The following ABLIM2 variants were observed in gnomAD, a reference collection of about 807,000 sequenced individuals.
ABLIM2 encodes the protein actin binding LIM protein family member 2, also known as actin-binding LIM protein 2.
In ABLIM2, 53 loss-of-function variants were observed where a neutral mutation model predicts 97.7. The ratio of observed to expected loss-of-function variants is 0.54; its 90% CI spans 0.44 to 0.68. The LOEUF is 0.68. Ranked by LOEUF, ABLIM2 falls within the 30% of genes least tolerant of loss-of-function variation. ABLIM2 has a pLI of 0.00. For synonymous variants in ABLIM2, 361 were observed against 345.8 expected, an observed-to-expected ratio of 1.04 and a Z score of -0.49; for missense variants, 835 against 867.2, an observed-to-expected ratio of 0.96 and a Z score of 0.47.
At chr4:8,045,919 G>A (rs913491049) in intron 8 of ABLIM2, among the ~76,000 whole-genome samples, 1 of 152,098 alleles carries the variant, frequency 6.6e-6, no homozygotes, top group Non-Finnish European at 1.5e-5. Context: ...TGGTCACCCT[G>A]AAGACCCTCT....
Position 8,124,805 on chromosome 4 carries a change from C to G in ABLIM2, c.11-18168G>C, listed in dbSNP as rs535320024. The stretch of plus-strand genomic sequence containing the variant: ...GGAGTTGCTGGGTCCTGTGGTCACT[C>G]TGTGTGCCACCTTTCAAGGAACAGT... On this transcript the variant is annotated intron_variant, in intron 1 of 20. Transcript: ENST00000447017. The surrounding 1 kb of genome is among the most constrained non-coding windows in gnomAD (Gnocchi z 6.1). 7.2e-5 allele frequency among the ~76,000 whole-genome samples: 11 copies of G among 152,272 alleles called. No homozygotes were observed. The highest frequency in any genetic ancestry group is 6.5e-4 in the Admixed American group (10 of 15,288).
intron 2 of ABLIM2, among the ~76,000 whole-genome samples, chr4:8,099,882 G>C (rs933753335): frequency 4.6e-5 from 7 of 152,050 alleles, no homozygotes; most frequent in South Asian, 2.1e-4. Context: ...AAAACCCCAG[G>C]CCTCTGTGTG....
At position 7,967,588 on chromosome 4, in the gene ABLIM2, G is replaced by A. The variant is rs116349715; in HGVS notation, c.1825-485C>T. On this transcript the variant is annotated intron_variant, in intron 20 of 20. Coordinates refer to ENST00000447017, the MANE Select transcript of ABLIM2 (RefSeq NM_001130083.2). ...ACAGTGAGCAAGAATGCCAGGCACGGCCCAGGCCCAGGCGCAAATCCTCCC... is the reference window on the plus strand; with the variant it reads ...ACAGTGAGCAAGAATGCCAGGCACGACCCAGGCCCAGGCGCAAATCCTCCC... Among the ~76,000 whole-genome samples the A allele has an allele frequency of 5.3e-3, 802 of 152,318 alleles. 4 individuals are homozygous for A. Among genetic ancestry groups the A allele is most frequent in the Non-Finnish European group, 9.1e-3 (620 of 68,022 alleles).
At chr4:8,009,764 C>T (rs1419343684) in intron 14 of ABLIM2, among the ~76,000 whole-genome samples, 1 of 152,160 alleles carries the variant, frequency 6.6e-6, no homozygotes, top group Admixed American at 6.5e-5. Context: ...TCGTGGAGGC[C>T]TACGTGTCTG....
At position 8,021,677 on chromosome 4, in the gene ABLIM2, G is replaced by A. The variant is rs539867575; in HGVS notation, c.1268-1374C>T. ...GGAGGGCTCGACAGACACTGGCCCAGAGGGGGCTCTTGCCTGGTGGTGGGC... is the reference window on the plus strand; with the variant it reads ...GGAGGGCTCGACAGACACTGGCCCAAAGGGGGCTCTTGCCTGGTGGTGGGC... On this transcript the variant is annotated intron_variant, in intron 12 of 20. Transcript: ENST00000447017. The surrounding 1 kb of genome is among the most constrained non-coding windows in gnomAD (Gnocchi z 5.5). Among the ~76,000 whole-genome samples, 193 of 152,396 alleles carry A rather than the reference G, an allele frequency of 1.3e-3. No individual in the cohort carries two copies. Among genetic ancestry groups the A allele is most frequent in the African/African-American group, 4.0e-3 (166 of 41,606 alleles).
In ABLIM2 at chr4:8,134,172, A is replaced by T. The variant is rs544162331; in HGVS notation, c.10+24508T>A. 7.9e-5 allele frequency among the ~76,000 whole-genome samples: 12 copies of T among 152,318 alleles called. No individual in the cohort carries two copies. The South Asian group carries it at 2.5e-3, about 32-fold the overall frequency. ...GCCAGGCGGAAACAAAGGCAAGCGG[A>T]GGATGTTGAGCGGCCATGAGGGAAG... On this transcript the variant is annotated intron_variant, in intron 1 of 20. Transcript: ENST00000447017.
Position 8,118,485 on chromosome 4 carries a change from G to A in ABLIM2, c.11-11848C>T, listed in dbSNP as rs145052079. 9.2e-4 allele frequency among the ~76,000 whole-genome samples: 140 copies of A among 152,328 alleles called. 2 individuals carry two copies. The highest frequency in any genetic ancestry group is 3.1e-3 in the African/African-American group (128 of 41,574). The stretch of plus-strand genomic sequence containing the variant: ...CAGCATGATGGAGTCTCCAAGACAA[G>A]CTCTCCAAGTTGGCAAGGTGGCAAG... On this transcript the variant is annotated intron_variant, in intron 1 of 20. Coordinates refer to ENST00000447017, the MANE Select transcript of ABLIM2 (RefSeq NM_001130083.2).
chr4:8,045,265 T>C (rs561731640), intron 8 of ABLIM2, 24 bp from the exon 9 acceptor site: 2 of 1,603,450 alleles, frequency 1.2e-6, no homozygotes, highest in African/African-American at 2.7e-5. Context: ...GAGGAAGAGA[T>C]TGAAGGCAGG....
In ABLIM2 at chr4:8,032,322, A is replaced by G. The variant is rs958372627; in HGVS notation, c.1048-2546T>C. On this transcript the variant is annotated intron_variant, in intron 10 of 20. Transcript: ENST00000447017. The surrounding 1 kb of genome is among the most constrained non-coding windows in gnomAD (Gnocchi z 4.3). ...CCCACGTGGAGGGGCAGGAGGCAGG[A>G]AGCGCTCCCAGGCTCAGCCAGGATC... Among the ~76,000 whole-genome samples the G allele has an allele frequency of 1.3e-5, 2 of 152,160 alleles. No individual in the cohort carries two copies. Among genetic ancestry groups the G allele is most frequent in the African/African-American group, 4.8e-5 (2 of 41,444 alleles).
At position 8,106,642 on chromosome 4, in the gene ABLIM2, T is replaced by C. The variant is rs536470977; in HGVS notation, c.11-5A>G. ...GAGCAGCCTGGGGCTGCGACACTGT[T>C]GGGAAAGAGAGAAGAGCAGCGTTCA... On this transcript the variant is annotated splice_polypyrimidine_tract_variant and splice_region_variant and intron_variant, in intron 1 of 20. Transcript: ENST00000447017. 1.4e-5 allele frequency: 23 copies of C among 1,602,750 alleles called. 1 individual carries two copies. In the South Asian group the frequency reaches 2.6e-4, roughly 18 times the overall value.
At chr4:7,980,042 C>T (rs1380714668) in intron 20 of ABLIM2, among the ~76,000 whole-genome samples, 2 of 152,152 alleles carry the variant, frequency 1.3e-5, no homozygotes, top group Admixed American at 6.6e-5. Context: ...TAATTTAGCC[C>T]TTGATTAAGC....
At position 8,043,297 on chromosome 4, in the gene ABLIM2, G is replaced by A. The variant is rs1347002279; in HGVS notation, c.900+1867C>T. Among the ~76,000 whole-genome samples the A allele has an allele frequency of 6.6e-5, 10 of 152,156 alleles. No homozygotes were observed. The highest frequency in any genetic ancestry group is 6.5e-4 in the Admixed American group (10 of 15,280). On this transcript the variant is annotated intron_variant, in intron 9 of 20. Transcript: ENST00000447017. This position sits in a 1 kb window ranked among gnomAD's most constrained non-coding sequence, Gnocchi z 4.8. ...CTCTCGTTATAGGAGTGTCAGCTGT[G>A]ACCCTTTCAATGGGTGAGGAAACAG...
intron 7 of ABLIM2, among the ~76,000 whole-genome samples, chr4:8,056,388 C>T (rs118180840): frequency 2.0e-5 from 3 of 150,882 alleles, no homozygotes; most frequent in East Asian, 2.0e-4. Flanking sequence ...GCAGCCCCCA[C>T]CTCTTGGTCT....
intron 1 of ABLIM2, among the ~76,000 whole-genome samples, chr4:8,121,557 C>T (rs1337908047): frequency 6.6e-6 from 1 of 152,194 alleles, no homozygotes; most frequent in African/African-American, 2.4e-5. Context: ...GCAGACAGGG[C>T]GGCCCAGCCC....
At chr4:8,093,141 AC>A (rs1157456965) in intron 3 of ABLIM2, among the ~76,000 whole-genome samples, 1 of 152,080 alleles carries the variant, frequency 6.6e-6, no homozygotes, top group Non-Finnish European at 1.5e-5. Flanking sequence ...GAGCCACCGC[AC>A]CCAGTCTCTT....
At chr4:8,104,622 C>T (rs1836299768) in intron 2 of ABLIM2, among the ~76,000 whole-genome samples, 1 of 152,128 alleles carries the variant, frequency 6.6e-6, no homozygotes, top group Non-Finnish European at 1.5e-5. Context: ...CAGGGCACTC[C>T]CACTCCTGCC....
chr4:8,029,090 G>A (rs1045337494), intron 11 of ABLIM2, among the ~76,000 whole-genome samples: 11 of 152,160 alleles, frequency 7.2e-5, no homozygotes, highest in African/African-American at 2.7e-4. Context: ...AGGGGACAAG[G>A]TGACACGTGT....
At chr4:8,158,509 G>A (rs913157152) in intron 1 of ABLIM2, among the ~76,000 whole-genome samples, 171 bp downstream of exon 1, 2 of 152,190 alleles carry the variant, frequency 1.3e-5, no homozygotes, top group Non-Finnish European at 2.9e-5. Context: ...GCGCAGGGCA[G>A]AGGGCTGCGC....
At chr4:8,076,560 C>T (rs1816129283) in intron 6 of ABLIM2, among the ~76,000 whole-genome samples, 1 of 152,064 alleles carries the variant, frequency 6.6e-6, no homozygotes, top group South Asian at 2.1e-4. Flanking sequence ...CCCCAGAGGC[C>T]AGCTCCTGCA....
Sources: allele counts gnomAD v4.1 joint callset (sites outside exome capture counted in the v4.1 genomes callset), GRCh38; gene constraint gnomAD v4.1.1; non-coding constraint Gnocchi (gnomAD v3.1); transcripts MANE v1.5; gene names NCBI Gene and HGNC (gene_info 2026-07-23, HGNC 2026-07-21).